Variants in PMP22 observed in about 807,000 individuals in gnomAD.
PMP22 encodes Charcot-Marie-Tooth neuropathy 1A (greatly reduced nerve conduction velocity, hereditary motor sensory neuropathy Ia).
A neutral mutation model predicts 18.9 loss-of-function variants in PMP22; 2 were observed. The observed-to-expected ratio is 0.11, with a 90% CI of 0.04 to 0.33. The LOEUF (loss-of-function observed/expected upper bound fraction) is 0.33, where lower values mean the gene tolerates loss of function less well. PMP22 is among the 10% of genes least tolerant of loss of function. The probability of loss-of-function intolerance (pLI) is 1.00; values close to 1 mark genes in which losing one functional copy is unlikely to be tolerated. For missense variants in PMP22, 169 were observed against 202.2 expected (o/e 0.84, Z 1.00); for synonymous variants, 95 against 89.2 (o/e 1.07, Z -0.37).
chr17:15,258,493 G>A lies in PMP22; in HGVS notation c.178+601C>T, dbSNP rs1174303158. 1.3e-5 allele frequency among the ~76,000 whole-genome samples: 2 copies of A among 152,092 alleles called. No homozygotes were observed. The highest frequency in any genetic ancestry group is 2.4e-5 in the African/African-American group (1 of 41,406). On this transcript the variant is annotated intron_variant, in intron 3 of 4. Coordinates refer to ENST00000312280, the MANE Select transcript of PMP22 (RefSeq NM_000304.4). The surrounding 1 kb of genome is among the most constrained non-coding windows in gnomAD (Gnocchi z 4.1). Reference sequence around the variant, plus strand: ...GATGCTGAGGACAGAGGAGAAATACGATCTTCTGGATTAAGGACCCCAAGG... The same window carrying A: ...GATGCTGAGGACAGAGGAGAAATACAATCTTCTGGATTAAGGACCCCAAGG...
chr17:15,256,395 C>T (rs1908828025), intron 3 of PMP22, among the ~76,000 whole-genome samples: 1 of 152,152 alleles, frequency 6.6e-6, no homozygotes, highest in South Asian at 2.1e-4. Context: ...CTAATCCCAG[C>T]ACTTTGGGAG....
At chr17:15,245,642 G>A (rs1398618745) in intron 3 of PMP22, among the ~76,000 whole-genome samples, 1 of 152,132 alleles carries the variant, frequency 6.6e-6, no homozygotes, top group Non-Finnish European at 1.5e-5. Context: ...GGGTAAACAA[G>A]CATTTACAGG....
At chr17:15,246,878 T>C (rs1167289083) in intron 3 of PMP22, among the ~76,000 whole-genome samples, 1 of 150,232 alleles carries the variant, frequency 6.7e-6, no homozygotes, top group African/African-American at 2.4e-5. Context: ...GAGATCATAC[T>C]GGCCAACATG....
chr17:15,259,283 G>C, intron 2 of PMP22, 90 bp from the exon 3 acceptor site: 1 of 1,035,232 alleles, frequency 9.7e-7, no homozygotes, highest in Non-Finnish European at 1.5e-6. Flanking sequence ...ATGGCGAAAA[G>C]CACCCGCATC....
intron 3 of PMP22, among the ~76,000 whole-genome samples, chr17:15,239,872 C>G (rs771731891): frequency 1.3e-5 from 2 of 152,142 alleles, no homozygotes; most frequent in Non-Finnish European, 2.9e-5. Flanking sequence ...TATACAAACA[C>G]ACACATGTGC....
intron 3 of PMP22, 55 bp downstream of exon 3, chr17:15,259,039 G>A: frequency 1.5e-6 from 2 of 1,294,830 alleles, no homozygotes; most frequent in African/African-American, 1.5e-5. Context: ...TCTGGGCTGA[G>A]AAACGTGTTA....
At chr17:15,238,532 A>G (rs1907003543) in intron 4 of PMP22, among the ~76,000 whole-genome samples, 1 of 152,212 alleles carries the variant, frequency 6.6e-6, no homozygotes, top group Non-Finnish European at 1.5e-5. Context: ...TTTGTGATCT[A>G]TGAATTTGGA....
At chr17:15,246,402 T>C (rs1194189882) in intron 3 of PMP22, among the ~76,000 whole-genome samples, 3 of 152,240 alleles carry the variant, frequency 2.0e-5, no homozygotes, top group African/African-American at 7.2e-5. Flanking sequence ...ACATGCAAGC[T>C]ATTATCTGCC....
chr17:15,256,959 C>A (rs985855639), intron 3 of PMP22, among the ~76,000 whole-genome samples: 2 of 152,104 alleles, frequency 1.3e-5, no homozygotes, highest in African/African-American at 4.8e-5. Context: ...TTAGATTAAG[C>A]CTGAGTGGCG....
At chr17:15,252,212 A>C (rs1323607313) in intron 3 of PMP22, among the ~76,000 whole-genome samples, 7 of 152,244 alleles carry the variant, frequency 4.6e-5, no homozygotes, top group Non-Finnish European at 8.8e-5. Flanking sequence ...TGTCCTTGCC[A>C]AAATGACAGT....
At chr17:15,234,363 G>A (rs998213900) in intron 4 of PMP22, among the ~76,000 whole-genome samples, 8 of 152,174 alleles carry the variant, frequency 5.3e-5, no homozygotes, top group Non-Finnish European at 7.4e-5. Context: ...TGGTAACCTC[G>A]CAAAAGCACT....
intron 3 of PMP22, chr17:15,251,622 C>T (rs1908356893): frequency 6.6e-6 from 1 of 152,232 alleles, no homozygotes; most frequent in South Asian, 2.1e-4. Context: ...CAGATGACTC[C>T]GGGTCCCTGC....
chr17:15,246,394 A>G (rs940934111), intron 3 of PMP22, among the ~76,000 whole-genome samples: 1 of 152,242 alleles, frequency 6.6e-6, no homozygotes, highest in African/African-American at 2.4e-5. Context: ...TGGATTCGAC[A>G]TGCAAGCTAT....
chr17:15,264,194 G>A (rs1221190016), intron 1 of PMP22, among the ~76,000 whole-genome samples: 2 of 151,666 alleles, frequency 1.3e-5, no homozygotes, highest in East Asian at 3.9e-4. Context: ...CTGCACTAAA[G>A]TAGCTTGTAA....
In PMP22 at chr17:15,260,843, T is replaced by C. The variant is rs1909269975; in HGVS notation, c.-34-82A>G. On this transcript the variant is annotated intron_variant, in intron 1 of 4. Transcript: ENST00000312280. ...CGCGCAGAGGGAGGGTCCCGCGCAC[T>C]AGCGGAAGGCCCGGCCTGGCCCAGC... is the stretch of plus-strand genomic sequence containing the variant. The C allele has an allele frequency of 1.3e-5, 13 of 975,344 alleles. No individual in the cohort carries two copies. In the East Asian group the frequency reaches 3.2e-4, roughly 24 times the overall value. The allele number at this position is 975,344 out of a possible 1,614,324, so 60.4% of individuals were successfully genotyped here.
chr17:15,260,892 G>T, intron 1 of PMP22, 131 bp from the exon 2 acceptor site: 1 of 533,382 alleles, frequency 1.9e-6, no homozygotes, highest in South Asian at 2.7e-5. Flanking sequence ...CCGCCCGCGC[G>T]GGTCAGGAGC....
At chr17:15,237,385 G>T (rs1393736591) in intron 4 of PMP22, among the ~76,000 whole-genome samples, 1 of 152,178 alleles carries the variant, frequency 6.6e-6, no homozygotes, top group Non-Finnish European at 1.5e-5. Context: ...GAAGATGAAG[G>T]TACTGGCTAT....
chr17:15,245,532 T>G (rs78041017), intron 3 of PMP22, among the ~76,000 whole-genome samples: 1 of 152,146 alleles, frequency 6.6e-6, no homozygotes. Flanking sequence ...CTAATATATT[T>G]TATTGGGTTG....
intron 3 of PMP22, among the ~76,000 whole-genome samples, chr17:15,253,797 T>C (rs1908577060): frequency 6.6e-6 from 1 of 152,102 alleles, no homozygotes; most frequent in Non-Finnish European, 1.5e-5. Context: ...TCCTGGCCAC[T>C]CCTCAAGGAG....
Sources: gnomAD v4.1 joint callset for allele counts (sites outside exome capture counted in the v4.1 genomes callset) on GRCh38, gnomAD v4.1.1 for gene constraint, Gnocchi (gnomAD v3.1) non-coding constraint, MANE v1.5 for transcripts, NCBI Gene and HGNC (gene_info 2026-07-23, HGNC 2026-07-21) for gene names.